Variants in PHKB observed in about 807,000 individuals in gnomAD.
PHKB encodes the protein phosphorylase b kinase regulatory subunit beta.
PHKB carries 122 observed loss-of-function variants against 152.1 expected under a neutral mutation model. The ratio of observed to expected loss-of-function variants is 0.80; its 90% CI spans 0.69 to 0.93. The LOEUF (loss-of-function observed/expected upper bound fraction) is 0.93. Ranked by LOEUF, PHKB falls within the 40% of genes least tolerant of loss-of-function variation. The probability of loss-of-function intolerance (pLI) is 0.00; values close to 1 mark genes in which losing one functional copy is unlikely to be tolerated. For synonymous variants in PHKB, 436 were observed against 464.9 expected (o/e 0.94, Z 0.80); for missense variants, 1,304 against 1,328.4 (o/e 0.98, Z 0.29).
intron 7 of PHKB, among the ~76,000 whole-genome samples, chr16:47,576,103 A>G (rs1971745260): frequency 6.6e-6 from 1 of 152,016 alleles, no homozygotes; most frequent in African/African-American, 2.4e-5. Flanking sequence ...CAAAACAACA[A>G]CAGCAAAAAA....
intron 2 of PHKB, among the ~76,000 whole-genome samples, 158 bp downstream of exon 2, chr16:47,497,646 G>A (rs1054165243): frequency 2.0e-5 from 3 of 152,094 alleles, no homozygotes; most frequent in East Asian, 1.9e-4. Context: ...ATTGTATGTC[G>A]ATATCAGGAC....
chr16:47,561,879 C>T (rs919097166), intron 7 of PHKB: 2 of 152,052 alleles, frequency 1.3e-5, no homozygotes, highest in Non-Finnish European at 2.9e-5. Flanking sequence ...CTTTAGGGCT[C>T]GATATGATTT....
chr16:47,579,991 G>A (rs550532838), intron 7 of PHKB, among the ~76,000 whole-genome samples: 33 of 151,994 alleles, frequency 2.2e-4, no homozygotes, highest in East Asian at 1.9e-4. Context: ...TCTAAAGTTC[G>A]TCTTTTTTTC....
intron 26 of PHKB, among the ~76,000 whole-genome samples, chr16:47,680,684 G>A (rs928087121): frequency 2.0e-5 from 3 of 151,876 alleles, no homozygotes; most frequent in East Asian, 1.9e-4. Flanking sequence ...TCTTGCTAGC[G>A]GTCTATCAGT....
intron 26 of PHKB, among the ~76,000 whole-genome samples, chr16:47,680,633 A>G (rs1202546747): frequency 1.3e-5 from 2 of 151,712 alleles, no homozygotes; most frequent in East Asian, 3.9e-4. Flanking sequence ...GTCCTTTTTT[A>G]TTGCGTCTAT....
intron 6 of PHKB, among the ~76,000 whole-genome samples, chr16:47,519,073 A>T (rs1048407561): frequency 2.6e-5 from 4 of 152,210 alleles, no homozygotes; most frequent in African/African-American, 4.8e-5. Context: ...AGTTGTTAAG[A>T]GCACATTTAG....
intron 7 of PHKB, among the ~76,000 whole-genome samples, chr16:47,552,410 TG>T (rs1397772279): frequency 1.3e-5 from 2 of 152,194 alleles, no homozygotes; most frequent in African/African-American, 4.8e-5. Flanking sequence ...GCAGGCCTGG[TG>T]GTGACAAAAT....
At chr16:47,573,382 G>A (rs1407110349) in intron 7 of PHKB, among the ~76,000 whole-genome samples, 1 of 152,196 alleles carries the variant, frequency 6.6e-6, no homozygotes, top group East Asian at 1.9e-4. Flanking sequence ...GACTCAGGCT[G>A]TGACCCCAGT....
chr16:47,555,058 C>T (rs1597081253), intron 7 of PHKB, among the ~76,000 whole-genome samples: 1 of 152,188 alleles, frequency 6.6e-6, no homozygotes, highest in East Asian at 1.9e-4. Flanking sequence ...ACTAAAATAT[C>T]AGATAAATAA....
intron 14 of PHKB, among the ~76,000 whole-genome samples, chr16:47,637,800 A>G (rs928389326): frequency 2.0e-5 from 3 of 152,350 alleles, no homozygotes; most frequent in South Asian, 4.1e-4. Context: ...ACAAAATACC[A>G]TAAACTGGGT....
chr16:47,674,332 T>C (rs1221327993), intron 26 of PHKB, among the ~76,000 whole-genome samples: 5 of 152,174 alleles, frequency 3.3e-5, no homozygotes, highest in Non-Finnish European at 7.3e-5. Context: ...TGGCCGCTTG[T>C]ATACTACAGT....
At chr16:47,601,992 A>G (rs991676113) in intron 13 of PHKB, among the ~76,000 whole-genome samples, 2 of 152,202 alleles carry the variant, frequency 1.3e-5, no homozygotes, top group Admixed American at 1.3e-4. Context: ...AGTTAACTAC[A>G]ACTTTCTCTC....
chr16:47,664,895 C>T lies in PHKB; in HGVS notation c.2347C>T (p.Arg783Cys), dbSNP rs143421326. The T allele has an allele frequency of 1.4e-5, 22 of 1,612,270 alleles. No individual in the cohort carries two copies. The highest frequency in any genetic ancestry group is 2.2e-5 in the South Asian group (2 of 90,950). The change falls in exon 25 of 31, where the codon CGC becomes TGC. Residue 783 changes from arginine (R) to cysteine (C), a missense_variant. Coordinates refer to ENST00000323584, the MANE Select transcript of PHKB (RefSeq NM_000293.3). ...CACTGACACACCCAGGTTGGCGGTG[C>T]GCTACGGGGCTGCATTTACCCAGAA... is the stretch of plus-strand genomic sequence containing the variant. ...AGSQKLWLAV[R>C]YGAAFTQKFS...
At chr16:47,518,378 T>C (rs1204986861) in intron 6 of PHKB, among the ~76,000 whole-genome samples, 3 of 152,210 alleles carry the variant, frequency 2.0e-5, no homozygotes, top group Admixed American at 2.0e-4. Context: ...ATACCTTTAC[T>C]GGTTCTGTTG....
chr16:47,512,998 C>G (rs770066038), intron 5 of PHKB, among the ~76,000 whole-genome samples: 17 of 152,220 alleles, frequency 1.1e-4, no homozygotes, highest in Non-Finnish European at 2.1e-4. Flanking sequence ...GTTAGTGTTA[C>G]ATGAATATGT....
At chr16:47,579,648 G>T (rs1351958792) in intron 7 of PHKB, among the ~76,000 whole-genome samples, 2 of 152,154 alleles carry the variant, frequency 1.3e-5, no homozygotes, top group Non-Finnish European at 2.9e-5. Flanking sequence ...AATGAAATGG[G>T]TCTTCCCATT....
chr16:47,525,679 A>G (rs762470988), intron 6 of PHKB, among the ~76,000 whole-genome samples: 1 of 152,168 alleles, frequency 6.6e-6, no homozygotes, highest in Non-Finnish European at 1.5e-5. Flanking sequence ...AAAACAACGC[A>G]ATGATGAAAA....
intron 8 of PHKB, 147 bp from the exon 9 acceptor site, chr16:47,587,521 G>A (rs1407954476): frequency 1.3e-5 from 8 of 628,516 alleles, no homozygotes; most frequent in African/African-American, 7.4e-5. Context: ...AATATTGAAA[G>A]TACAAACAAA....
intron 7 of PHKB, chr16:47,548,198 T>C (rs1309878337): frequency 1.3e-5 from 2 of 152,550 alleles, no homozygotes; most frequent in African/African-American, 4.8e-5. Flanking sequence ...GATCATATTT[T>C]AATAACAAAA....
Sources: allele counts gnomAD v4.1 joint callset (sites outside exome capture counted in the v4.1 genomes callset), GRCh38; gene constraint gnomAD v4.1.1; transcripts MANE v1.5; gene names NCBI Gene and HGNC (gene_info 2026-07-23, HGNC 2026-07-21).